The following WFDC11 variants were observed in gnomAD, a reference collection of about 807,000 sequenced individuals.
The protein encoded by WFDC11 is WAP four-disulfide core domain 11, also known as protein WFDC11.
In WFDC11, 9 loss-of-function variants were observed where a neutral mutation model predicts 9.9. The observed-to-expected ratio is 0.91, with a 90% CI of 0.55 to 1.58. The LOEUF (loss-of-function observed/expected upper bound fraction) is 1.58. WFDC11 is among the 40% of genes most tolerant of loss of function. The pLI is 0.00. For missense variants in WFDC11, 106 were observed against 101.7 expected, an observed-to-expected ratio of 1.04 and a Z score of -0.18; for synonymous variants, 32 against 33.3, an observed-to-expected ratio of 0.96 and a Z score of 0.13.
chr20:45,652,045 A>G (rs75238741), intron 2 of WFDC11, among the ~76,000 whole-genome samples: 1 of 152,240 alleles, frequency 6.6e-6, no homozygotes, highest in Non-Finnish European at 1.5e-5. Flanking sequence ...AGAATCCTCT[A>G]CAGACTTAAA....
At chr20:45,651,492 G>C (rs966989820) in intron 2 of WFDC11, among the ~76,000 whole-genome samples, 2 of 152,046 alleles carry the variant, frequency 1.3e-5, no homozygotes, top group Non-Finnish European at 2.9e-5. Flanking sequence ...GGCTGAATAG[G>C]AACAGCTCCA....
chr20:45,658,914 C>G (rs559448056), intron 2 of WFDC11, among the ~76,000 whole-genome samples: 6 of 151,510 alleles, frequency 4.0e-5, no homozygotes, highest in African/African-American at 9.8e-5. Context: ...CCCACCCCCC[C>G]GTCCATGTGT....
rs763347995 is a variant in WFDC11, at chr20:45,650,559, T to C, written c.42A>G (p.Thr14=). 1.2e-6 allele frequency: 2 copies of C among 1,614,142 alleles called. No individual in the cohort carries two copies. The highest frequency in any genetic ancestry group is 1.3e-5 in the African/African-American group (1 of 75,022). ...CAGACAGTAGCACCGTACAGAAGAA[T>C]GTCATGAGCATGGGTATCCAGAGCT... ...LMKLWIPMLM[T]FFCTVLLSVL... is the part of the protein sequence containing the mutation. Residue 14 remains threonine (T), a synonymous_variant, in exon 3 of 5, where the codon ACA becomes ACG. Transcript: ENST00000324384.
chr20:45,666,085 G>A (rs1424256382), intron 2 of WFDC11, among the ~76,000 whole-genome samples: 1 of 152,112 alleles, frequency 6.6e-6, no homozygotes, highest in Non-Finnish European at 1.5e-5. Flanking sequence ...TGCCTAATTT[G>A]AGCTTCCCAG....
Position 45,669,143 on chromosome 20 carries a change from C to A in WFDC11, c.-134+1035G>T, listed in dbSNP as rs1371597061. On this transcript the variant is annotated intron_variant, in intron 1 of 4. Coordinates refer to ENST00000324384, the MANE Select transcript of WFDC11 (RefSeq NM_147197.2). The stretch of plus-strand genomic sequence containing the variant: ...AGTTGTCTAGTGTCACAATCACAGG[C>A]CTTACACTCATCCGATGTAAACTTA... 2.0e-5 allele frequency among the ~76,000 whole-genome samples: 3 copies of A among 152,088 alleles called. 1 individual carries two copies. The highest frequency in any genetic ancestry group is 1.3e-4 in the Admixed American group (2 of 15,262).
chr20:45,670,195 G>C lies in WFDC11; in HGVS notation c.-151C>G, dbSNP rs192258912. On this transcript the variant is annotated 5_prime_UTR_variant, in exon 1 of 5. Coordinates refer to ENST00000324384, the MANE Select transcript of WFDC11 (RefSeq NM_147197.2). ...AAACTTACCAACCAGAAAAGGCCCT[G>C]GACCAGATGGATTCACAGCCAAATT... The C allele has an allele frequency of 4.6e-5, 7 of 152,020 alleles. No homozygotes were observed. In the East Asian group the frequency reaches 1.4e-3, roughly 29 times the overall value. 9.4% of individuals were successfully genotyped at this position (152,020 alleles called of 1,614,324 possible).
intron 4 of WFDC11, among the ~76,000 whole-genome samples, chr20:45,649,012 G>A (rs147553873): frequency 2.3e-4 from 35 of 152,220 alleles, no homozygotes; most frequent in Middle Eastern, 6.8e-3. Context: ...AGCAAACTAT[G>A]GTGTAATACA....
At chr20:45,662,169 T>C (rs1049944607) in intron 2 of WFDC11, among the ~76,000 whole-genome samples, 36 of 152,188 alleles carry the variant, frequency 2.4e-4, no homozygotes, top group African/African-American at 8.7e-4. Flanking sequence ...TATTTTATTC[T>C]CTTTGAAGCA....
intron 2 of WFDC11, among the ~76,000 whole-genome samples, chr20:45,663,175 C>A (rs1351588270): frequency 6.6e-6 from 1 of 152,064 alleles, no homozygotes; most frequent in Non-Finnish European, 1.5e-5. Flanking sequence ...AGGAATTTAT[C>A]CATTTCTTCT....
chr20:45,658,983 T>C (rs567030780), intron 2 of WFDC11, among the ~76,000 whole-genome samples: 235 of 151,958 alleles, frequency 1.5e-3, no homozygotes, highest in Non-Finnish European at 2.9e-3. Flanking sequence ...TGTCCTTGTG[T>C]TAGTTTGCTG....
intron 2 of WFDC11, among the ~76,000 whole-genome samples, chr20:45,652,539 A>G (rs1208984952): frequency 1.3e-5 from 2 of 152,194 alleles, no homozygotes; most frequent in Non-Finnish European, 2.9e-5. Flanking sequence ...TCCTCCTCCA[A>G]AGGAAGACAG....
intron 2 of WFDC11, among the ~76,000 whole-genome samples, chr20:45,656,684 C>T (rs184315467): frequency 1.9e-3 from 285 of 151,946 alleles, no homozygotes; most frequent in African/African-American, 6.6e-3. Flanking sequence ...TGCAATCTAC[C>T]CATCTGACAA....
At chr20:45,662,433 AG>A (rs1438795436) in intron 2 of WFDC11, among the ~76,000 whole-genome samples, 1 of 152,052 alleles carries the variant, frequency 6.6e-6, no homozygotes, top group Admixed American at 6.6e-5. Context: ...CTAATTGCCC[AG>A]GCCAGAACTT....
At chr20:45,650,445 G>A in intron 3 of WFDC11, 56 bp downstream of exon 3, 1 of 1,448,116 alleles carries the variant, frequency 6.9e-7, no homozygotes, top group Admixed American at 1.7e-5. Context: ...CCCCTCCCTT[G>A]TTCAGAAACA....
intron 1 of WFDC11, among the ~76,000 whole-genome samples, chr20:45,669,937 GA>G (rs1050989929): frequency 6.6e-6 from 1 of 151,846 alleles, no homozygotes. Flanking sequence ...GACTACTAAA[GA>G]AAGAGAAAAT....
chr20:45,653,020 C>G (rs1982845807), intron 2 of WFDC11, among the ~76,000 whole-genome samples: 1 of 152,128 alleles, frequency 6.6e-6, no homozygotes, highest in South Asian at 2.1e-4. Flanking sequence ...AGGATATTAT[C>G]CAGGAGAACT....
chr20:45,658,755 G>C (rs945264849), intron 2 of WFDC11, among the ~76,000 whole-genome samples: 3 of 151,990 alleles, frequency 2.0e-5, no homozygotes, highest in African/African-American at 7.3e-5. Context: ...AAGTTCTGGA[G>C]TACATGTGCA....
chr20:45,665,061 G>A (rs1316931459), intron 2 of WFDC11, among the ~76,000 whole-genome samples: 1 of 152,154 alleles, frequency 6.6e-6, no homozygotes, highest in Non-Finnish European at 1.5e-5. Context: ...CCAATCAAAT[G>A]TAGCTTTGGT....
intron 2 of WFDC11, among the ~76,000 whole-genome samples, chr20:45,655,755 A>G (rs1393629867): frequency 2.0e-5 from 3 of 152,112 alleles, no homozygotes; most frequent in South Asian, 2.1e-4. Context: ...CAAAATCAGT[A>G]TTCAAAAATC....
Sources: allele counts gnomAD v4.1 joint callset (sites outside exome capture counted in the v4.1 genomes callset), GRCh38; gene constraint gnomAD v4.1.1; transcripts MANE v1.5; gene names NCBI Gene and HGNC (gene_info 2026-07-23, HGNC 2026-07-21).